The following ZC2HC1B variants were observed in gnomAD, a reference collection of about 807,000 sequenced individuals.
ZC2HC1B encodes zinc finger C2HC domain-containing protein 1B.
ZC2HC1B carries 36 observed loss-of-function variants against 31.0 expected under a neutral mutation model. The observed-to-expected ratio is 1.16, with a 90% CI of 0.89 to 1.54. The LOEUF (loss-of-function observed/expected upper bound fraction) is 1.54, where lower values mean the gene tolerates loss of function less well. Among genes scored for constraint, ZC2HC1B ranks in the 40% most tolerant of loss-of-function variants. The probability of loss-of-function intolerance (pLI) is 0.00; values close to 1 mark genes in which losing one functional copy is unlikely to be tolerated. For synonymous variants in ZC2HC1B, 73 were observed against 88.0 expected (o/e 0.83, Z 0.95); for missense variants, 260 against 268.6 (o/e 0.97, Z 0.22).
In ZC2HC1B at chr6:143,885,847, A is replaced by C. The variant is rs927362914; in HGVS notation, c.91-185A>C. Among the ~76,000 whole-genome samples, 2 of 152,202 alleles carry C rather than the reference A, an allele frequency of 1.3e-5. No individual in the cohort carries two copies. Among genetic ancestry groups the C allele is most frequent in the Non-Finnish European group, 2.9e-5 (2 of 68,032 alleles). ...TTTATTGTCTTTGCTCAAGCACAATATCTAGTTATATGTAACATGGATGAG... is the reference window on the plus strand; with the variant it reads ...TTTATTGTCTTTGCTCAAGCACAATCTCTAGTTATATGTAACATGGATGAG... On this transcript the variant is annotated intron_variant, in intron 2 of 7. Coordinates refer to ENST00000237275, the MANE Select transcript of ZC2HC1B (RefSeq NM_001013623.3). The surrounding 1 kb of genome is among the most constrained non-coding windows in gnomAD (Gnocchi z 4.2).
intron 6 of ZC2HC1B, among the ~76,000 whole-genome samples, chr6:143,904,689 T>A (rs1030458487): frequency 6.6e-6 from 1 of 152,184 alleles, no homozygotes; most frequent in Non-Finnish European, 1.5e-5. Context: ...TAATCCAGGG[T>A]CAGAGAGGTT....
rs765840979 is a variant in ZC2HC1B, at chr6:143,865,816, T to C, written c.28+1249T>C. Among the ~76,000 whole-genome samples, 79 of 152,032 alleles carry C rather than the reference T, an allele frequency of 5.2e-4. No individual in the cohort carries two copies. Among genetic ancestry groups the C allele is most frequent in the Non-Finnish European group, 9.0e-4 (61 of 67,990 alleles). Reference sequence around the variant, plus strand: ...GCAAAATCTTGAAGAATTTGTATCTTAAACTTTTTTTTTTTGCCAAGACAG... The same window carrying C: ...GCAAAATCTTGAAGAATTTGTATCTCAAACTTTTTTTTTTTGCCAAGACAG... On this transcript the variant is annotated intron_variant, in intron 1 of 7. Transcript: ENST00000237275. The surrounding 1 kb of genome is among the most constrained non-coding windows in gnomAD (Gnocchi z 4.4).
chr6:143,873,644 C>T (rs1169502410), intron 1 of ZC2HC1B, among the ~76,000 whole-genome samples: 1 of 152,242 alleles, frequency 6.6e-6, no homozygotes, highest in Admixed American at 6.5e-5. Flanking sequence ...CCCGCAAGCT[C>T]AACACCATAT....
rs1435963811 is a variant in ZC2HC1B, at chr6:143,869,551, G to A, written c.28+4984G>A. 1.3e-5 allele frequency among the ~76,000 whole-genome samples: 2 copies of A among 152,236 alleles called. No homozygotes were observed. Among genetic ancestry groups the A allele is most frequent in the African/African-American group, 4.8e-5 (2 of 41,468 alleles). ...TGACAGTGGATAAGGCATGCTATGAGTCCATGGATGGTAGTCTTGGCAGAA... is the reference window on the plus strand; with the variant it reads ...TGACAGTGGATAAGGCATGCTATGAATCCATGGATGGTAGTCTTGGCAGAA... On this transcript the variant is annotated intron_variant, in intron 1 of 7. Coordinates refer to ENST00000237275, the MANE Select transcript of ZC2HC1B (RefSeq NM_001013623.3). The surrounding 1 kb of genome is among the most constrained non-coding windows in gnomAD (Gnocchi z 5.2).
intron 1 of ZC2HC1B, among the ~76,000 whole-genome samples, chr6:143,864,829 G>A (rs1294505530): frequency 6.6e-6 from 1 of 152,204 alleles, no homozygotes; most frequent in Non-Finnish European, 1.5e-5. Context: ...ATGCCAACCT[G>A]TGAAGTAAAG....
At position 143,918,870 on chromosome 6, in the gene ZC2HC1B, T is replaced by G. The variant is rs1777951232; in HGVS notation, c.598+15718T>G. ...CTAGTAAAGTTTTCATTTCATTTAT[T>G]CTATTTTTCAGTTCTAGAATTTTAT... On this transcript the variant is annotated intron_variant, in intron 6 of 7. Transcript: ENST00000237275. The surrounding 1 kb of genome is among the most constrained non-coding windows in gnomAD (Gnocchi z 4.1). Among the ~76,000 whole-genome samples the G allele has an allele frequency of 6.6e-6, 1 of 152,196 alleles. No individual in the cohort carries two copies.
At chr6:143,901,439 T>C (rs1219454406) in intron 5 of ZC2HC1B, among the ~76,000 whole-genome samples, 1 of 148,970 alleles carries the variant, frequency 6.7e-6, no homozygotes, top group Non-Finnish European at 1.5e-5. Flanking sequence ...TTTGTATTTT[T>C]AGTAGAGACG....
chr6:143,886,046 AAT>A lies in ZC2HC1B; in HGVS notation c.108_109del (p.Ile36MetfsTer2). 2 of 1,536,464 alleles carry A rather than the reference AAT, an allele frequency of 1.3e-6. No individual in the cohort carries two copies. The highest frequency in any genetic ancestry group is 1.8e-6 in the Non-Finnish European group (2 of 1,142,632). On this transcript the variant is annotated frameshift_variant, in exon 3 of 8. Coordinates refer to ENST00000237275, the MANE Select transcript of ZC2HC1B (RefSeq NM_001013623.3). LOFTEE classifies it high-confidence loss of function. The surrounding 1 kb of genome is among the most constrained non-coding windows in gnomAD (Gnocchi z 4.2). ...TCGTTTTCTAGGAAAGGCATGGACC[AAT>A]ATGTAAGAAACTCTTCAACAGAAAG... ...AADVLERHGP[I>X]CKKLFNRKRK...
chr6:143,886,617 T>A lies in ZC2HC1B; in HGVS notation c.211-66T>A. The A allele has an allele frequency of 7.3e-7, 1 of 1,365,446 alleles. No individual in the cohort carries two copies. The highest frequency in any genetic ancestry group is 9.5e-7 in the Non-Finnish European group (1 of 1,051,888). 84.6% of individuals were successfully genotyped at this position (1,365,446 alleles called of 1,614,324 possible). A position where few individuals can be genotyped will look rare whatever the true frequency, so the allele number is the denominator to read the frequency against. ...TTTCCTGTGAATTCAAATTCCAGCTTTAAACAAAATTGTAATGGAGAGGTA... is the reference window on the plus strand; with the variant it reads ...TTTCCTGTGAATTCAAATTCCAGCTATAAACAAAATTGTAATGGAGAGGTA... On this transcript the variant is annotated intron_variant, in intron 3 of 7. Coordinates refer to ENST00000237275, the MANE Select transcript of ZC2HC1B (RefSeq NM_001013623.3). The surrounding 1 kb of genome is among the most constrained non-coding windows in gnomAD (Gnocchi z 4.2).
chr6:143,923,973 T>A lies in ZC2HC1B; in HGVS notation c.599-13676T>A, dbSNP rs1428157098. On this transcript the variant is annotated intron_variant, in intron 6 of 7. Transcript: ENST00000237275. The surrounding 1 kb of genome is among the most constrained non-coding windows in gnomAD (Gnocchi z 4.8). ...TACAAATTTTAGGATTTTTTTGTAT[T>A]TATATAAAGAATGTCATTGGTGTTT... 6.6e-6 allele frequency among the ~76,000 whole-genome samples: 1 copy of A among 151,846 alleles called. No homozygotes were observed. The highest frequency in any genetic ancestry group is 1.5e-5 in the Non-Finnish European group (1 of 67,972).
intron 1 of ZC2HC1B, among the ~76,000 whole-genome samples, chr6:143,875,358 T>G (rs1777393361): frequency 1.5e-5 from 2 of 137,004 alleles, no homozygotes; most frequent in Non-Finnish European, 3.3e-5. Flanking sequence ...TGCCTTTGGA[T>G]CCCTTCTTCT....
intron 6 of ZC2HC1B, among the ~76,000 whole-genome samples, chr6:143,914,061 C>G (rs553637622): frequency 6.6e-6 from 1 of 152,170 alleles, no homozygotes; most frequent in South Asian, 2.1e-4. Context: ...TGATTTTTCT[C>G]TATTTTTCTA....
intron 1 of ZC2HC1B, chr6:143,881,866 G>A (rs1455053218): frequency 6.6e-6 from 1 of 152,072 alleles, no homozygotes; most frequent in Non-Finnish European, 1.5e-5. Flanking sequence ...TCCAAGTATT[G>A]AATTGAATCA....
chr6:143,890,441 G>A (rs1457206623), intron 4 of ZC2HC1B, among the ~76,000 whole-genome samples: 7 of 145,536 alleles, frequency 4.8e-5, no homozygotes, highest in African/African-American at 1.8e-4. Flanking sequence ...GAATTAGAAA[G>A]GAACTTCCTC....
rs1186654738 is a variant in ZC2HC1B at position 143,865,026 on chromosome 6, T to C, written c.28+459T>C. On this transcript the variant is annotated intron_variant, in intron 1 of 7. Transcript: ENST00000237275. This position sits in a 1 kb window ranked among gnomAD's most constrained non-coding sequence, Gnocchi z 4.4. ...GCTAACTTCACTGTGTTTAAATCCA[T>C]ATATTATATATTTTGCAATTAAGAG... 1.3e-5 allele frequency among the ~76,000 whole-genome samples: 2 copies of C among 152,228 alleles called. No homozygotes were observed. The highest frequency in any genetic ancestry group is 2.9e-5 in the Non-Finnish European group (2 of 68,050).
intron 6 of ZC2HC1B, among the ~76,000 whole-genome samples, chr6:143,930,536 C>T (rs950608457): frequency 2.4e-4 from 37 of 151,864 alleles, no homozygotes; most frequent in Non-Finnish European, 4.3e-4. Context: ...TACAGGCGCC[C>T]GCCACCACGC....
intron 4 of ZC2HC1B, among the ~76,000 whole-genome samples, chr6:143,897,412 A>G (rs1234550434): frequency 1.3e-5 from 2 of 151,428 alleles, no homozygotes; most frequent in Non-Finnish European, 2.9e-5. Flanking sequence ...GAGCAGCTCC[A>G]CATTCTAAGA....
Position 143,917,290 on chromosome 6 carries a change from CT to C in ZC2HC1B, c.598+14142del. Among the ~76,000 whole-genome samples, 1 of 152,306 alleles carries C rather than the reference CT, an allele frequency of 6.6e-6. No individual in the cohort carries two copies. Among genetic ancestry groups the C allele is most frequent in the Admixed American group, 6.5e-5 (1 of 15,294 alleles). ...AACTGTAAGTCCAATAAACCTCTTTCTTTTGTAAATTGCCCAGTCTTGGATA... is the reference window on the plus strand; with the variant it reads ...AACTGTAAGTCCAATAAACCTCTTTCTTTGTAAATTGCCCAGTCTTGGATA... On this transcript the variant is annotated intron_variant, in intron 6 of 7. Coordinates refer to ENST00000237275, the MANE Select transcript of ZC2HC1B (RefSeq NM_001013623.3). The surrounding 1 kb of genome is among the most constrained non-coding windows in gnomAD (Gnocchi z 4.1).
intron 6 of ZC2HC1B, among the ~76,000 whole-genome samples, chr6:143,920,525 A>C (rs1195420715): frequency 2.0e-5 from 3 of 152,228 alleles, no homozygotes; most frequent in Non-Finnish European, 4.4e-5. Flanking sequence ...AGATCAGTAA[A>C]TATAAGCAAA....
Sources: gnomAD v4.1 joint callset for allele counts (sites outside exome capture counted in the v4.1 genomes callset) on GRCh38, gnomAD v4.1.1 for gene constraint, Gnocchi (gnomAD v3.1) non-coding constraint, MANE v1.5 for transcripts, NCBI Gene and HGNC (gene_info 2026-07-23, HGNC 2026-07-21) for gene names.